SUCLG2: variants seen among roughly 807,000 people sequenced by gnomAD.
SUCLG2 encodes succinate-CoA ligase GDP-forming subunit beta.
In SUCLG2, 42 loss-of-function variants were observed where a neutral mutation model predicts 47.9. That is an observed-to-expected ratio of 0.88 (90% CI 0.69 to 1.14). The LOEUF (loss-of-function observed/expected upper bound fraction) is 1.14. SUCLG2 is among the 50% of genes most tolerant of loss of function. SUCLG2 has a pLI of 0.00. For synonymous variants in SUCLG2, 195 were observed against 197.3 expected, an observed-to-expected ratio of 0.99 and a Z score of 0.10; for missense variants, 571 against 525.9, an observed-to-expected ratio of 1.09 and a Z score of -0.84.
chr3:67,480,097 G>A (rs974791987), intron 9 of SUCLG2, among the ~76,000 whole-genome samples: 2 of 151,646 alleles, frequency 1.3e-5, no homozygotes, highest in Non-Finnish European at 2.9e-5. Context: ...GTGAGCTCTG[G>A]GCCACCATAG....
intron 1 of SUCLG2, among the ~76,000 whole-genome samples, chr3:67,640,853 G>A (rs535008735): frequency 9.9e-5 from 15 of 152,230 alleles, no homozygotes; most frequent in African/African-American, 3.4e-4. Flanking sequence ...ACAGTGCTTG[G>A]TGTTAGCTTC....
chr3:67,641,221 C>A (rs543563166), intron 1 of SUCLG2, among the ~76,000 whole-genome samples: 1 of 152,146 alleles, frequency 6.6e-6, no homozygotes, highest in Non-Finnish European at 1.5e-5. Context: ...TGATTTCACT[C>A]ATAGAAATGG....
At chr3:67,367,004 CTT>C (rs1701885014) in intron 10 of SUCLG2, among the ~76,000 whole-genome samples, 1 of 152,092 alleles carries the variant, frequency 6.6e-6, no homozygotes, top group Non-Finnish European at 1.5e-5. Context: ...GTTAAAGAGA[CTT>C]ACAGCAACAT....
chr3:67,399,032 G>A (rs543492653), intron 10 of SUCLG2, among the ~76,000 whole-genome samples: 7 of 115,000 alleles, frequency 6.1e-5, no homozygotes, highest in South Asian at 3.5e-4. Flanking sequence ...GGGGTGGGGG[G>A]AGGGGGGAAG....
At position 67,609,576 on chromosome 3, in the gene SUCLG2, T is replaced by C. The variant is rs1308362509; in HGVS notation, c.105A>G (p.Arg35=). ...AGSQAVQLTS[R]RWLNLQEYQS... ...GGTATTCCTGCAGGTTCAGCCATCT[T>C]CTGGAGGTTAATTGAACTGCCTACA... Residue 35 remains arginine, a synonymous_variant, in exon 2 of 11, where the codon AGA becomes AGG. Transcript: ENST00000307227. 6.2e-7 allele frequency: 1 copy of C among 1,613,788 alleles called. No homozygotes were observed. The highest frequency in any genetic ancestry group is 8.5e-7 in the Non-Finnish European group (1 of 1,179,880).
intron 10 of SUCLG2, among the ~76,000 whole-genome samples, chr3:67,399,201 T>G (rs549512467): frequency 1.1e-4 from 17 of 151,942 alleles, no homozygotes; most frequent in Admixed American, 3.9e-4. Flanking sequence ...AGAAAAAAAA[T>G]TATTTCATTA....
chr3:67,645,795 T>C (rs1334341737), intron 1 of SUCLG2, among the ~76,000 whole-genome samples: 2 of 151,616 alleles, frequency 1.3e-5, no homozygotes, highest in Non-Finnish European at 1.5e-5. Context: ...GAACTGGTTT[T>C]CCCCCTTTCT....
At chr3:67,456,950 T>C (rs1419699009) in intron 9 of SUCLG2, among the ~76,000 whole-genome samples, 3 of 152,234 alleles carry the variant, frequency 2.0e-5, no homozygotes, top group African/African-American at 7.2e-5. Flanking sequence ...TATACCTTTA[T>C]GTAGTTTTTG....
intron 10 of SUCLG2, among the ~76,000 whole-genome samples, chr3:67,395,351 G>T (rs962626951): frequency 6.6e-6 from 1 of 151,862 alleles, no homozygotes; most frequent in African/African-American, 2.4e-5. Context: ...ATGGAAAACA[G>T]AAAAAGGCAG....
chr3:67,479,067 C>A (rs1351343850), intron 9 of SUCLG2, among the ~76,000 whole-genome samples: 2 of 152,172 alleles, frequency 1.3e-5, no homozygotes, highest in South Asian at 4.1e-4. Flanking sequence ...CTAAGACAGA[C>A]ATGAACATCC....
At chr3:67,406,304 T>G (rs1348751266) in intron 9 of SUCLG2, among the ~76,000 whole-genome samples, 1 of 152,212 alleles carries the variant, frequency 6.6e-6, no homozygotes. Flanking sequence ...ATGTGCCCTG[T>G]GCTTGTAGGC....
At chr3:67,492,508 T>A (rs1705229266) in intron 9 of SUCLG2, among the ~76,000 whole-genome samples, 1 of 152,214 alleles carries the variant, frequency 6.6e-6, no homozygotes, top group Non-Finnish European at 1.5e-5. Flanking sequence ...CCTACTTCTA[T>A]TTCCTATTTT....
chr3:67,474,183 C>G (rs767087931), intron 9 of SUCLG2, among the ~76,000 whole-genome samples: 4 of 151,890 alleles, frequency 2.6e-5, no homozygotes, highest in Admixed American at 6.6e-5. Context: ...TGGCGTGAAC[C>G]TGGGAGGTGG....
chr3:67,451,408 C>A (rs1299249387), intron 9 of SUCLG2, among the ~76,000 whole-genome samples: 1 of 152,048 alleles, frequency 6.6e-6, no homozygotes, highest in African/African-American at 2.4e-5. Context: ...TTAAGACAAC[C>A]AAAATGAGAC....
chr3:67,366,410 CCAGTT>C (rs1358008100), intron 10 of SUCLG2, among the ~76,000 whole-genome samples: 1 of 152,126 alleles, frequency 6.6e-6, no homozygotes, highest in Non-Finnish European at 1.5e-5. Flanking sequence ...CAAGTCCTGT[CCAGTT>C]CAAGTGAGTA....
At chr3:67,608,682 T>A (rs1035926250) in intron 2 of SUCLG2, among the ~76,000 whole-genome samples, 1 of 151,950 alleles carries the variant, frequency 6.6e-6, no homozygotes, top group African/African-American at 2.4e-5. Flanking sequence ...CTAATTTTTT[T>A]TTTTTTTTTA....
Position 67,589,871 on chromosome 3 carries a change from C to T in SUCLG2, c.226+19584G>A, listed in dbSNP as rs372205949. ...TTCCTGCACTAAACTCCACAAAGTCCGGGAATGCAAAATGGAAGCCAGGCC... is the reference window on the plus strand; with the variant it reads ...TTCCTGCACTAAACTCCACAAAGTCTGGGAATGCAAAATGGAAGCCAGGCC... On this transcript the variant is annotated intron_variant, in intron 2 of 10. Transcript: ENST00000307227. Among the ~76,000 whole-genome samples, 20 of 152,236 alleles carry T rather than the reference C, an allele frequency of 1.3e-4. No individual in the cohort carries two copies. The East Asian group carries it at 2.3e-3, about 18-fold the overall frequency.
chr3:67,511,798 G>C (rs1042617688), intron 6 of SUCLG2, among the ~76,000 whole-genome samples: 6 of 144,806 alleles, frequency 4.1e-5, no homozygotes, highest in African/African-American at 1.7e-4. Context: ...TTTTTCTATT[G>C]AGATTTTGGT....
intron 10 of SUCLG2, among the ~76,000 whole-genome samples, chr3:67,392,511 A>G (rs1278430869): frequency 6.6e-6 from 1 of 152,200 alleles, no homozygotes; most frequent in Non-Finnish European, 1.5e-5. Context: ...CCAGGTAAAT[A>G]ATCTACTATA....
Sources: allele counts gnomAD v4.1 joint callset (sites outside exome capture counted in the v4.1 genomes callset), GRCh38; gene constraint gnomAD v4.1.1; transcripts MANE v1.5; gene names NCBI Gene and HGNC (gene_info 2026-07-23, HGNC 2026-07-21).